CIAO2A: variants seen among roughly 807,000 people sequenced by gnomAD.
CIAO2A encodes the protein cytosolic iron-sulfur assembly component 2A.
In CIAO2A, 17 loss-of-function variants were observed where a neutral mutation model predicts 22.4. The observed-to-expected ratio is 0.76, with a 90% CI of 0.52 to 1.14. The LOEUF (loss-of-function observed/expected upper bound fraction) is 1.14, where lower values mean the gene tolerates loss of function less well. CIAO2A is among the 50% of genes most tolerant of loss of function. CIAO2A has a pLI of 0.00. For missense variants in CIAO2A, 192 were observed against 191.4 expected (o/e 1.00, Z -0.02); for synonymous variants, 74 against 72.3 (o/e 1.02, Z -0.12).
At chr15:64,084,750 C>T (rs1029130430) in intron 2 of CIAO2A, among the ~76,000 whole-genome samples, 2 of 151,350 alleles carry the variant, frequency 1.3e-5, no homozygotes, top group African/African-American at 4.8e-5. Flanking sequence ...GCCTGGGCAA[C>T]AAGAGTGAAA....
At chr15:64,075,383 C>T (rs1420265345) in intron 4 of CIAO2A, 109 bp downstream of exon 4, 8 of 668,326 alleles carry the variant, frequency 1.2e-5, no homozygotes, top group Non-Finnish European at 2.0e-5. Flanking sequence ...ACCAATTGTG[C>T]ACTTTTTTGA....
intron 3 of CIAO2A, among the ~76,000 whole-genome samples, chr15:64,077,830 G>A (rs944882792): frequency 6.6e-6 from 1 of 152,172 alleles, no homozygotes; most frequent in Non-Finnish European, 1.5e-5. Flanking sequence ...GTTACCCATT[G>A]GAATACGTGC....
At chr15:64,087,370 C>T (rs1473847250) in intron 2 of CIAO2A, among the ~76,000 whole-genome samples, 2 of 151,984 alleles carry the variant, frequency 1.3e-5, no homozygotes, top group Non-Finnish European at 2.9e-5. Flanking sequence ...GGATTACAGG[C>T]GTAAGCCACC....
chr15:64,075,534 C>T lies in CIAO2A; in HGVS notation c.343G>A (p.Glu115Lys). 6.3e-7 allele frequency: 1 copy of T among 1,577,720 alleles called. No homozygotes were observed. The highest frequency in any genetic ancestry group is 8.6e-7 in the Non-Finnish European group (1 of 1,159,320). ...TGGGTTCCTTCAGAAATGTAGATTT[C>T]CAACTGGAAAGTGGGAAAAAAAGTA... is the stretch of plus-strand genomic sequence containing the variant. ...QRCLPFKHKL[E>K]IYISEGTHST... Residue 115 changes from glutamate (E) to lysine (K), a missense_variant, in exon 4 of 5, where the codon GAA becomes AAA. Glu to Lys is a moderately conservative substitution (Grantham distance 56). Coordinates refer to ENST00000300030, the MANE Select transcript of CIAO2A (RefSeq NM_032231.7).
At chr15:64,074,503 AC>A (rs1376781830) in intron 4 of CIAO2A, 14 of 152,344 alleles carry the variant, frequency 9.2e-5, no homozygotes, top group African/African-American at 3.4e-4. Context: ...GATTTAGGGT[AC>A]CTAAACTCTT....
chr15:64,073,651 G>A (rs1214727298), intron 4 of CIAO2A: 1 of 152,152 alleles, frequency 6.6e-6, no homozygotes, highest in Non-Finnish European at 1.5e-5. Flanking sequence ...ATCCAGGCTG[G>A]AGTGCAGTGG....
At chr15:64,075,343 G>A (rs2080709058) in intron 4 of CIAO2A, 149 bp downstream of exon 4, 1 of 553,190 alleles carries the variant, frequency 1.8e-6, no homozygotes, top group South Asian at 2.5e-5. Flanking sequence ...AAATGCCTAG[G>A]TTTCCTCACC....
rs1354871344 is a variant in CIAO2A at position 64,084,778 on chromosome 15, A to C, written c.290-3627T>G. Among the ~76,000 whole-genome samples the C allele has an allele frequency of 4.6e-5, 7 of 151,788 alleles. No individual in the cohort carries two copies. The East Asian group carries it at 1.2e-3, about 25-fold the overall frequency. ...GAGTGAAACTCCGTCTCAAAAAATAAATAAATAAAAATATTTATATATAAA... is the reference window on the plus strand; with the variant it reads ...GAGTGAAACTCCGTCTCAAAAAATACATAAATAAAAATATTTATATATAAA... On this transcript the variant is annotated intron_variant, in intron 2 of 4. Transcript: ENST00000300030.
At chr15:64,080,973 A>G (rs1161651801) in intron 3 of CIAO2A, 129 bp downstream of exon 3, 2 of 778,738 alleles carry the variant, frequency 2.6e-6, no homozygotes, top group Non-Finnish European at 4.1e-6. Context: ...ATGTCCATCA[A>G]CTGAGTAACA....
At chr15:64,083,904 C>T (rs1368422641) in intron 2 of CIAO2A, among the ~76,000 whole-genome samples, 2 of 152,006 alleles carry the variant, frequency 1.3e-5, no homozygotes, top group African/African-American at 4.8e-5. Flanking sequence ...GACAGCACCA[C>T]TGCTTTCCAA....
At position 64,080,783 on chromosome 15, in the gene CIAO2A, T is replaced by C. The variant is rs542054048; in HGVS notation, c.339+319A>G. On this transcript the variant is annotated intron_variant, in intron 3 of 4. Transcript: ENST00000300030. ...GATGTGGAGAAGTGGGAACGCAGAA[T>C]GGTGCAGCCACTGTGGAAAACAAAC... is the stretch of plus-strand genomic sequence containing the variant. Among the ~76,000 whole-genome samples the C allele has an allele frequency of 5.9e-5, 9 of 152,322 alleles. No homozygotes were observed. In the South Asian group the frequency reaches 1.9e-3, roughly 32 times the overall value.
In CIAO2A at chr15:64,073,017, T is replaced by C. The variant is rs2080685765; in HGVS notation, c.397A>G (p.Ile133Val). ...GCTGCCACTCGCTCTTTGTCATTTA[T>C]CTGCTTATTGACTGAAAAATACACA... Reference protein sequence around the residue: ...HSTEEDINKQINDKERVAAAM... With the variant: ...HSTEEDINKQVNDKERVAAAM... Residue 133 changes from isoleucine to valine, a missense_variant, in exon 5 of 5, where the codon ATA (isoleucine) becomes GTA (valine). By Grantham distance (29) the Ile-to-Val change is conservative (BLOSUM62 3). Transcript: ENST00000300030. 3 of 1,612,690 alleles carry C rather than the reference T, an allele frequency of 1.9e-6. No homozygotes were observed. Among genetic ancestry groups the C allele is most frequent in the Non-Finnish European group, 2.5e-6 (3 of 1,178,812 alleles).
intron 3 of CIAO2A, among the ~76,000 whole-genome samples, chr15:64,077,244 G>C (rs1328549265): frequency 1.3e-5 from 2 of 152,220 alleles, no homozygotes; most frequent in African/African-American, 4.8e-5. Context: ...GTTACAGTGA[G>C]CTGAGACTGC....
intron 2 of CIAO2A, among the ~76,000 whole-genome samples, chr15:64,086,957 G>A (rs1312743848): frequency 1.3e-5 from 2 of 149,564 alleles, no homozygotes; most frequent in African/African-American, 4.9e-5. Flanking sequence ...TGTTGCCCAG[G>A]TTGGTGTGCA....
At chr15:64,092,654 A>G (rs141271196) in intron 1 of CIAO2A, among the ~76,000 whole-genome samples, 9 of 152,248 alleles carry the variant, frequency 5.9e-5, no homozygotes, top group Non-Finnish European at 1.2e-4. Context: ...ACTCACAATT[A>G]TCATCTGCCT....
chr15:64,088,895 A>G (rs754264351), intron 1 of CIAO2A, 44 bp from the exon 2 acceptor site: 10 of 1,552,400 alleles, frequency 6.4e-6, no homozygotes, highest in Non-Finnish European at 8.7e-6. Context: ...AAACATGACT[A>G]TTCTAAATAA....
intron 3 of CIAO2A, among the ~76,000 whole-genome samples, chr15:64,076,858 C>T (rs921116735): frequency 1.6e-4 from 25 of 151,906 alleles, no homozygotes; most frequent in African/African-American, 5.8e-4. Flanking sequence ...CACACTCCCA[C>T]CCCTCTCCTC....
intron 2 of CIAO2A, among the ~76,000 whole-genome samples, chr15:64,085,404 G>A (rs1300769251): frequency 1.3e-5 from 2 of 152,092 alleles, no homozygotes; most frequent in Admixed American, 6.6e-5. Flanking sequence ...AGACTGAGGT[G>A]GGAGGATCAC....
intron 1 of CIAO2A, among the ~76,000 whole-genome samples, chr15:64,093,030 G>A (rs2080854545): frequency 6.6e-6 from 1 of 152,206 alleles, no homozygotes; most frequent in South Asian, 2.1e-4. Context: ...GGCCCCAAGG[G>A]TTAAACAGAA....
Sources: allele counts gnomAD v4.1 joint callset (sites outside exome capture counted in the v4.1 genomes callset), GRCh38; gene constraint gnomAD v4.1.1; transcripts MANE v1.5; gene names NCBI Gene and HGNC (gene_info 2026-07-23, HGNC 2026-07-21).